Variants in AGTPBP1 observed in about 807,000 individuals in gnomAD.
The protein encoded by AGTPBP1 is ATP/GTP binding carboxypeptidase 1.
A neutral mutation model predicts 143.9 loss-of-function variants in AGTPBP1; 70 were observed. The ratio of observed to expected loss-of-function variants is 0.49; its 90% CI spans 0.40 to 0.59. The LOEUF is 0.59. Ranked by LOEUF, AGTPBP1 falls within the 20% of genes least tolerant of loss-of-function variation. The pLI is 0.00. For missense variants in AGTPBP1, 1,229 were observed against 1,464.5 expected (o/e 0.84, Z 2.62); for synonymous variants, 463 against 500.2 (o/e 0.93, Z 0.99).
chr9:85,631,743 C>T (rs1831691263), intron 14 of AGTPBP1, among the ~76,000 whole-genome samples: 1 of 152,156 alleles, frequency 6.6e-6, no homozygotes, highest in Non-Finnish European at 1.5e-5. Context: ...TTGTTTATTA[C>T]ACACTATACT....
At chr9:85,554,517 G>A (rs1826214641) in intron 25 of AGTPBP1, among the ~76,000 whole-genome samples, 1 of 152,156 alleles carries the variant, frequency 6.6e-6, no homozygotes, top group Non-Finnish European at 1.5e-5. Context: ...ACAAAGCCAG[G>A]AGGAGGCGTG....
intron 21 of AGTPBP1, 140 bp downstream of exon 21, chr9:85,588,158 T>G (rs1182232983): frequency 6.1e-6 from 4 of 653,498 alleles, no homozygotes; most frequent in Non-Finnish European, 7.1e-6. Flanking sequence ...ATTTAAAAGT[T>G]TATCTTAATT....
chr9:85,695,133 T>C (rs1196855618), intron 2 of AGTPBP1, among the ~76,000 whole-genome samples: 1 of 152,204 alleles, frequency 6.6e-6, no homozygotes, highest in African/African-American at 2.4e-5. Context: ...GAAGTAATTA[T>C]AGATTCACAG....
At chr9:85,628,084 G>A (rs1015593628) in intron 14 of AGTPBP1, among the ~76,000 whole-genome samples, 1 of 152,112 alleles carries the variant, frequency 6.6e-6, no homozygotes, top group Non-Finnish European at 1.5e-5. Flanking sequence ...AAATACCAAA[G>A]TACTGTTGTC....
chr9:85,707,681 T>C (rs1374256929), intron 2 of AGTPBP1, among the ~76,000 whole-genome samples: 1 of 152,216 alleles, frequency 6.6e-6, no homozygotes, highest in African/African-American at 2.4e-5. Context: ...CAGGAAAGTA[T>C]TTGTTTCCTA....
chr9:85,803,666 A>G, the AGTPBP1 span, among the ~76,000 whole-genome samples: 4 of 152,152 alleles, frequency 2.6e-5, no homozygotes, highest in East Asian at 1.9e-4. Flanking sequence ...TCTCACAGCA[A>G]TATCACTCCT....
chr9:85,614,742 C>T (rs927155733), intron 17 of AGTPBP1, among the ~76,000 whole-genome samples: 1 of 151,732 alleles, frequency 6.6e-6, no homozygotes, highest in Admixed American at 6.6e-5. Flanking sequence ...ACAAGAAACC[C>T]CCAAACATAA....
At chr9:85,725,755 TA>T (rs1048098445) in intron 1 of AGTPBP1, among the ~76,000 whole-genome samples, 1 of 151,830 alleles carries the variant, frequency 6.6e-6, no homozygotes, top group African/African-American at 2.4e-5. Context: ...GCAAAAAATT[TA>T]AAAATTAGGT....
At chr9:85,600,064 T>C (rs2133314395) in intron 17 of AGTPBP1, among the ~76,000 whole-genome samples, 1 of 152,318 alleles carries the variant, frequency 6.6e-6, no homozygotes, top group South Asian at 2.1e-4. Context: ...ATCACATGTG[T>C]TAGCACTTGA....
At chr9:85,687,994 G>A (rs1400112145) in intron 3 of AGTPBP1, among the ~76,000 whole-genome samples, 2 of 150,036 alleles carry the variant, frequency 1.3e-5, no homozygotes, top group African/African-American at 4.9e-5. Context: ...GGGGGCTGAG[G>A]CAGGAGAATC....
intron 2 of AGTPBP1, among the ~76,000 whole-genome samples, chr9:85,699,024 G>A (rs1393522546): frequency 6.6e-6 from 1 of 151,932 alleles, no homozygotes; most frequent in East Asian, 1.9e-4. Context: ...ACTTTGGGAG[G>A]TTCCATTTGT....
At chr9:85,760,434 C>T in the AGTPBP1 span, among the ~76,000 whole-genome samples, 1 of 152,230 alleles carries the variant, frequency 6.6e-6, no homozygotes, top group Non-Finnish European at 1.5e-5. Context: ...ATCATGTGGG[C>T]TTCATCCCTG....
At chr9:85,601,195 A>G (rs1005292603) in intron 17 of AGTPBP1, among the ~76,000 whole-genome samples, 1 of 152,182 alleles carries the variant, frequency 6.6e-6, no homozygotes, top group Non-Finnish European at 1.5e-5. Flanking sequence ...CCCTAGCAGC[A>G]GGGCTGAGGT....
At chr9:85,639,069 T>C (rs1832274825) in intron 13 of AGTPBP1, among the ~76,000 whole-genome samples, 1 of 151,814 alleles carries the variant, frequency 6.6e-6, no homozygotes, top group Non-Finnish European at 1.5e-5. Flanking sequence ...ATAAAACGAG[T>C]CTCAAAATTT....
intron 11 of AGTPBP1, among the ~76,000 whole-genome samples, chr9:85,653,420 TA>T: frequency 6.6e-6 from 1 of 152,204 alleles, no homozygotes; most frequent in East Asian, 1.9e-4. Context: ...AAAAGAAAAA[TA>T]TAATTTCTTG....
chr9:85,601,224 G>A (rs1320967795), intron 17 of AGTPBP1, among the ~76,000 whole-genome samples: 2 of 152,160 alleles, frequency 1.3e-5, no homozygotes, highest in Non-Finnish European at 2.9e-5. Context: ...AAGCGCCCTG[G>A]GGGCAGGCAG....
chr9:85,753,239 T>C, the AGTPBP1 span: 3 of 1,538,834 alleles, frequency 1.9e-6, no homozygotes, highest in Non-Finnish European at 1.8e-6. Context: ...AAAAAAAAAA[T>C]TGTCATCAGT....
At chr9:85,699,091 A>C (rs62569254) in intron 2 of AGTPBP1, among the ~76,000 whole-genome samples, 2,543 of 152,264 alleles carry the variant, frequency 0.017, 26 homozygotes, top group Middle Eastern at 0.054. Flanking sequence ...AAAAACGATC[A>C]ATGTGTAACA....
intron 17 of AGTPBP1, among the ~76,000 whole-genome samples, chr9:85,611,020 A>G (rs1408732006): frequency 6.6e-6 from 1 of 152,184 alleles, no homozygotes; most frequent in Non-Finnish European, 1.5e-5. Flanking sequence ...GGAAATAAGA[A>G]GAAAACTCAC....
Sources: allele counts gnomAD v4.1 joint callset (sites outside exome capture counted in the v4.1 genomes callset), GRCh38; gene constraint gnomAD v4.1.1; transcripts MANE v1.5; gene names NCBI Gene and HGNC (gene_info 2026-07-23, HGNC 2026-07-21).